PALM2AKAP2: variants seen among roughly 807,000 people sequenced by gnomAD.
The protein encoded by PALM2AKAP2 is PALM2 and AKAP2 fusion.
A neutral mutation model predicts 71.5 loss-of-function variants in PALM2AKAP2; 37 were observed. That is an observed-to-expected ratio of 0.52 (90% CI 0.40 to 0.68). PALM2AKAP2 has a LOEUF of 0.68. Ranked by LOEUF, PALM2AKAP2 falls within the 30% of genes least tolerant of loss-of-function variation. PALM2AKAP2 has a pLI of 0.00. For synonymous variants in PALM2AKAP2, 468 were observed against 478.8 expected, an observed-to-expected ratio of 0.98 and a Z score of 0.29; for missense variants, 1,224 against 1,191.8, an observed-to-expected ratio of 1.03 and a Z score of -0.40.
chr9:110,083,839 A>T (rs1456440749), intron 1 of PALM2AKAP2, among the ~76,000 whole-genome samples: 4 of 152,248 alleles, frequency 2.6e-5, no homozygotes, highest in Admixed American at 6.5e-5. Context: ...CACTCTTGTG[A>T]GGGTAGAATA....
At chr9:110,157,552 C>G (rs1836489852) in intron 3 of PALM2AKAP2, among the ~76,000 whole-genome samples, 1 of 152,106 alleles carries the variant, frequency 6.6e-6, no homozygotes, top group Admixed American at 6.5e-5. Context: ...GCGTATGCCA[C>G]CATACCTGGC....
rs141629779 is a variant in PALM2AKAP2 at position 110,120,664 on chromosome 9, C to T, written c.157-15463C>T. Among the ~76,000 whole-genome samples, 814 of 152,340 alleles carry T rather than the reference C, an allele frequency of 5.3e-3. 7 individuals carry two copies. Among genetic ancestry groups the T allele is most frequent in the African/African-American group, 0.018 (753 of 41,582 alleles). ...GATTACAGGCATGTGCCACTACACC[C>T]GGCTAATTTTTGTATTTTTGAGTAG... On this transcript the variant is annotated intron_variant, in intron 1 of 3. Transcript: ENST00000374525.
At chr9:109,912,572 A>C (rs1383964210) in intron 3 of PALM2AKAP2, among the ~76,000 whole-genome samples, 1 of 152,208 alleles carries the variant, frequency 6.6e-6, no homozygotes, top group African/African-American at 2.4e-5. Flanking sequence ...GTCTTCCTGA[A>C]ATGTGGAAAA....
chr9:110,070,438 GA>G (rs201376624), intron 1 of PALM2AKAP2, among the ~76,000 whole-genome samples: 2,037 of 152,114 alleles, frequency 0.013, 38 homozygotes, highest in African/African-American at 0.047. Context: ...AAAAGTTTTA[GA>G]AACTAAATTT....
intron 1 of PALM2AKAP2, among the ~76,000 whole-genome samples, chr9:109,855,175 CA>C (rs1047186662): frequency 3.3e-5 from 5 of 152,106 alleles, no homozygotes; most frequent in Admixed American, 3.3e-4. Flanking sequence ...CAGGCTTAAG[CA>C]ATCCTTCCAT....
At chr9:109,757,471 C>T (rs530523262) in intron 1 of PALM2AKAP2, among the ~76,000 whole-genome samples, 1 of 152,190 alleles carries the variant, frequency 6.6e-6, no homozygotes, top group Admixed American at 6.6e-5. Flanking sequence ...GTCACAAAGT[C>T]CTTTGTGAAA....
chr9:109,721,570 A>G (rs1307385802), intron 1 of PALM2AKAP2, among the ~76,000 whole-genome samples: 1 of 152,126 alleles, frequency 6.6e-6, no homozygotes, highest in Non-Finnish European at 1.5e-5. Flanking sequence ...TGGGGCTGGT[A>G]TGTTTTGGGT....
At chr9:110,155,840 G>A (rs1041430360) in intron 2 of PALM2AKAP2, among the ~76,000 whole-genome samples, 9 of 152,224 alleles carry the variant, frequency 5.9e-5, no homozygotes, top group African/African-American at 2.2e-4. Context: ...TGCTATAGAG[G>A]ATAGACCCTG....
intron 1 of PALM2AKAP2, among the ~76,000 whole-genome samples, chr9:110,097,061 AC>A (rs1441257333): frequency 6.7e-6 from 1 of 148,682 alleles, no homozygotes; most frequent in African/African-American, 2.5e-5. Context: ...AAACAAGTGA[AC>A]AAAGGTCTCT....
intron 1 of PALM2AKAP2, among the ~76,000 whole-genome samples, chr9:109,645,109 G>C (rs1029096225): frequency 1.3e-5 from 2 of 152,162 alleles, no homozygotes; most frequent in Non-Finnish European, 2.9e-5. Flanking sequence ...TGCTGATTAA[G>C]ACATACCTGA....
In PALM2AKAP2 at chr9:110,128,453, T is replaced by C. The variant is rs1353699874; in HGVS notation, c.157-7674T>C. Among the ~76,000 whole-genome samples, 6 of 152,244 alleles carry C rather than the reference T, an allele frequency of 3.9e-5. No individual in the cohort carries two copies. In the East Asian group the frequency reaches 1.2e-3, roughly 29 times the overall value. ...GGAAGTTTTGTTTTATAGCCATGCC[T>C]CTGTTCCTAGGCCAAGAGTGAGTTT... is the stretch of plus-strand genomic sequence containing the variant. On this transcript the variant is annotated intron_variant, in intron 1 of 3. Coordinates refer to ENST00000374525, the Ensembl canonical transcript of PALM2AKAP2.
chr9:109,835,283 AG>A (rs1284563635), intron 1 of PALM2AKAP2, among the ~76,000 whole-genome samples: 1 of 109,542 alleles, frequency 9.1e-6, no homozygotes, highest in African/African-American at 3.5e-5. Flanking sequence ...GTGGAGAGGT[AG>A]AGGGGAGGGT....
intron 1 of PALM2AKAP2, among the ~76,000 whole-genome samples, chr9:109,792,380 G>C (rs776465935): frequency 2.0e-5 from 3 of 152,212 alleles, no homozygotes; most frequent in Non-Finnish European, 2.9e-5. Flanking sequence ...TTCCACCTCA[G>C]CTTCCTAAGT....
chr9:109,775,937 A>T (rs1275079663), upstream of PALM2AKAP2, among the ~76,000 whole-genome samples: 1 of 152,270 alleles, frequency 6.6e-6, no homozygotes, highest in South Asian at 2.1e-4. Flanking sequence ...GCAATGAAGC[A>T]TCTATCATAA....
intron 1 of PALM2AKAP2, among the ~76,000 whole-genome samples, chr9:110,108,573 G>A (rs1289966536): frequency 6.6e-6 from 1 of 151,876 alleles, no homozygotes; most frequent in African/African-American, 2.4e-5. Context: ...TTTGCTACAG[G>A]GGTGCAATCC....
At chr9:109,835,655 CCTGGAAAAT>C (rs1828451150) in intron 1 of PALM2AKAP2, among the ~76,000 whole-genome samples, 1 of 152,148 alleles carries the variant, frequency 6.6e-6, no homozygotes. Flanking sequence ...ACAGACAGCA[CCTGGAAAAT>C]CGGGTCACTC....
intron 5 of PALM2AKAP2, among the ~76,000 whole-genome samples, chr9:109,931,321 T>C (rs555438289): frequency 1.3e-5 from 2 of 152,330 alleles, no homozygotes; most frequent in East Asian, 3.9e-4. Context: ...TCAAGGGGTA[T>C]TGTCATTTAG....
intron 1 of PALM2AKAP2, among the ~76,000 whole-genome samples, chr9:109,819,705 ATGTGTGTG>A (rs57864589): frequency 5.7e-5 from 8 of 140,614 alleles, no homozygotes; most frequent in African/African-American, 2.2e-4. Context: ...GTGTGTGTGT[ATGTGTGTG>A]TGTGTGTGTG....
intron 1 of PALM2AKAP2, among the ~76,000 whole-genome samples, chr9:109,827,218 A>C (rs145401946): frequency 6.6e-6 from 1 of 152,352 alleles, no homozygotes; most frequent in East Asian, 1.9e-4. Context: ...GGAGCATAGG[A>C]TGCTCAAAGT....
Sources: gnomAD v4.1 joint callset for allele counts (sites outside exome capture counted in the v4.1 genomes callset) on GRCh38, gnomAD v4.1.1 for gene constraint, MANE v1.5 for transcripts, NCBI Gene and HGNC (gene_info 2026-07-23, HGNC 2026-07-21) for gene names.